Variants in SLC25A21 observed in about 807,000 individuals in gnomAD.
SLC25A21 encodes mitochondrial 2-oxodicarboxylate carrier.
SLC25A21 carries 47 observed loss-of-function variants against 43.8 expected under a neutral mutation model. The ratio of observed to expected loss-of-function variants is 1.07; its 90% CI spans 0.85 to 1.37. The LOEUF (loss-of-function observed/expected upper bound fraction) is 1.37. Among genes scored for constraint, SLC25A21 ranks in the 40% most tolerant of loss-of-function variants. The pLI is 0.00. For synonymous variants in SLC25A21, 131 were observed against 121.3 expected, an observed-to-expected ratio of 1.08 and a Z score of -0.52; for missense variants, 352 against 350.2, an observed-to-expected ratio of 1.00 and a Z score of -0.04.
At position 36,734,467 on chromosome 14, in the gene SLC25A21, T is replaced by C. The variant is rs374715105; in HGVS notation, c.270+40A>G. On this transcript the variant is annotated intron_variant, in intron 4 of 9. Transcript: ENST00000331299. ...GTTTGTTGTGCTGAAGCTGTTACTGTGCCCTACTTTTGCTTGGTGCGAACG... is the reference window on the plus strand; with the variant it reads ...GTTTGTTGTGCTGAAGCTGTTACTGCGCCCTACTTTTGCTTGGTGCGAACG... 3.8e-4 allele frequency: 576 copies of C among 1,518,816 alleles called. 5 individuals are homozygous for C. Among genetic ancestry groups the C allele is most frequent in the Middle Eastern group, 1.0e-3 (6 of 5,892 alleles). The allele number at this position is 1,518,816 out of a possible 1,614,324, so 94.1% of individuals were successfully genotyped here. A position where few individuals can be genotyped will look rare whatever the true frequency, so the allele number is the denominator to read the frequency against.
At chr14:36,947,219 C>G (rs755306598) in intron 1 of SLC25A21, among the ~76,000 whole-genome samples, 3 of 152,174 alleles carry the variant, frequency 2.0e-5, no homozygotes, top group Non-Finnish European at 1.5e-5. Flanking sequence ...TAAGTCACAG[C>G]ATTTCACTGG....
intron 1 of SLC25A21, among the ~76,000 whole-genome samples, chr14:36,937,812 C>T (rs1229441641): frequency 6.6e-6 from 1 of 152,084 alleles, no homozygotes; most frequent in Non-Finnish European, 1.5e-5. Context: ...ATAGAAAATG[C>T]TCAGAAACTC....
chr14:37,136,130 G>C (rs573238656), intron 1 of SLC25A21, among the ~76,000 whole-genome samples: 1 of 152,136 alleles, frequency 6.6e-6, no homozygotes, highest in African/African-American at 2.4e-5. Flanking sequence ...ATTAGAAATA[G>C]ACATTCAATA....
intron 1 of SLC25A21, among the ~76,000 whole-genome samples, chr14:36,946,894 C>A (rs1387314167): frequency 6.6e-6 from 1 of 152,164 alleles, no homozygotes; most frequent in South Asian, 2.1e-4. Flanking sequence ...ATGTGTTTAT[C>A]TGGCATAATA....
At chr14:36,746,175 C>T (rs1163094803) in intron 3 of SLC25A21, among the ~76,000 whole-genome samples, 1 of 152,104 alleles carries the variant, frequency 6.6e-6, no homozygotes, top group African/African-American at 2.4e-5. Flanking sequence ...CAACACTATT[C>T]CCAATAGCAA....
chr14:36,684,165 T>C (rs1882422010), intron 8 of SLC25A21, among the ~76,000 whole-genome samples: 1 of 152,194 alleles, frequency 6.6e-6, no homozygotes, highest in African/African-American at 2.4e-5. Context: ...TCAAGACAGC[T>C]GTGTATATGG....
intron 2 of SLC25A21, among the ~76,000 whole-genome samples, chr14:36,824,752 G>C (rs1888760973): frequency 8.1e-6 from 1 of 123,556 alleles, no homozygotes; most frequent in African/African-American, 3.1e-5. Context: ...AGTGAAAAGA[G>C]AATCACTTAT....
chr14:37,159,419 T>A (rs758779587), intron 1 of SLC25A21, among the ~76,000 whole-genome samples: 10 of 151,880 alleles, frequency 6.6e-5, no homozygotes, highest in Admixed American at 3.3e-4. Flanking sequence ...TAGGAATAAA[T>A]CCACATATTT....
intron 2 of SLC25A21, among the ~76,000 whole-genome samples, chr14:36,864,750 A>G (rs1890165548): frequency 6.6e-6 from 1 of 152,206 alleles, no homozygotes; most frequent in Admixed American, 6.5e-5. Flanking sequence ...TACTTCAGAA[A>G]CATTCTATCC....
At chr14:36,907,606 A>C (rs1256193085) in intron 1 of SLC25A21, among the ~76,000 whole-genome samples, 1 of 152,160 alleles carries the variant, frequency 6.6e-6, no homozygotes, top group Non-Finnish European at 1.5e-5. Flanking sequence ...TGTGGTATAT[A>C]ATCTTAAATA....
At chr14:37,113,666 C>T (rs1963058695) in intron 1 of SLC25A21, among the ~76,000 whole-genome samples, 1 of 151,844 alleles carries the variant, frequency 6.6e-6, no homozygotes, top group South Asian at 2.1e-4. Context: ...CCAGCCTGGC[C>T]AAGATGGTAA....
chr14:36,945,641 T>G (rs1454293348), intron 1 of SLC25A21, among the ~76,000 whole-genome samples: 1 of 152,206 alleles, frequency 6.6e-6, no homozygotes. Context: ...ATTCCACTTA[T>G]ATATGGTATA....
At chr14:37,075,002 G>T (rs1962251787) in intron 1 of SLC25A21, among the ~76,000 whole-genome samples, 1 of 152,098 alleles carries the variant, frequency 6.6e-6, no homozygotes, top group Non-Finnish European at 1.5e-5. Context: ...AAGCATCATT[G>T]TTAATTACAT....
intron 2 of SLC25A21, among the ~76,000 whole-genome samples, chr14:36,816,671 T>TA (rs1257014383): frequency 6.6e-6 from 1 of 151,954 alleles, no homozygotes; most frequent in Non-Finnish European, 1.5e-5. Context: ...AGCTAATTTT[T>TA]AAAATTTTTT....
chr14:36,730,061 T>C (rs565526381), intron 4 of SLC25A21, among the ~76,000 whole-genome samples: 8 of 152,324 alleles, frequency 5.3e-5, no homozygotes, highest in East Asian at 3.9e-4. Context: ...TAAATAATTA[T>C]GAAGATGCCA....
At chr14:37,117,701 T>TA (rs1319630621) in intron 1 of SLC25A21, among the ~76,000 whole-genome samples, 1 of 152,174 alleles carries the variant, frequency 6.6e-6, no homozygotes, top group Non-Finnish European at 1.5e-5. Flanking sequence ...GAAGAACTTT[T>TA]AAGCTCCTTC....
At chr14:36,689,601 CCA>C (rs1036370964) in intron 7 of SLC25A21, among the ~76,000 whole-genome samples, 1 of 152,194 alleles carries the variant, frequency 6.6e-6, no homozygotes, top group African/African-American at 2.4e-5. Context: ...GAAATGATTT[CCA>C]CACACATTCC....
intron 1 of SLC25A21, among the ~76,000 whole-genome samples, chr14:37,076,551 C>T (rs935492218): frequency 3.3e-5 from 5 of 151,922 alleles, no homozygotes; most frequent in African/African-American, 1.2e-4. Context: ...TGCAGTGCAG[C>T]GATCTCGGCT....
chr14:36,948,727 G>A (rs1224037251), intron 1 of SLC25A21, among the ~76,000 whole-genome samples: 1 of 152,046 alleles, frequency 6.6e-6, no homozygotes, highest in Non-Finnish European at 1.5e-5. Flanking sequence ...ACTGAAATGT[G>A]TTGTAGATAT....
Sources: allele counts gnomAD v4.1 joint callset (sites outside exome capture counted in the v4.1 genomes callset), GRCh38; gene constraint gnomAD v4.1.1; transcripts MANE v1.5; gene names NCBI Gene and HGNC (gene_info 2026-07-23, HGNC 2026-07-21).